The following EIF2B1 variants were observed in gnomAD, a reference collection of about 807,000 sequenced individuals.
The protein encoded by EIF2B1 is translation initiation factor eIF2B subunit alpha.
EIF2B1 carries 30 observed loss-of-function variants against 36.8 expected under a neutral mutation model. That is an observed-to-expected ratio of 0.81 (90% CI 0.61 to 1.10). The LOEUF (loss-of-function observed/expected upper bound fraction) is 1.10. Ranked by LOEUF, EIF2B1 falls within the 50% of genes least tolerant of loss-of-function variation. The probability of loss-of-function intolerance (pLI) is 0.00; values close to 1 mark genes in which losing one functional copy is unlikely to be tolerated. For synonymous variants in EIF2B1, 139 were observed against 142.2 expected (o/e 0.98, Z 0.16); for missense variants, 271 against 374.8 (o/e 0.72, Z 2.29).
In EIF2B1 at chr12:123,621,591, T is replaced by C; in HGVS notation, c.*165A>G. ...TAGCTGACACATTTTTAGATGGGAC[T>C]GAAATGAGTAAGAAAGGTTCTCCAA... is the stretch of plus-strand genomic sequence containing the variant. On this transcript the variant is annotated 3_prime_UTR_variant, in exon 9 of 9. Coordinates refer to ENST00000424014, the MANE Select transcript of EIF2B1 (RefSeq NM_001414.4). 4.8e-6 allele frequency: 4 copies of C among 825,620 alleles called. No individual in the cohort carries two copies. In the Admixed American group the frequency reaches 8.5e-5, roughly 17 times the overall value. The allele number at this position is 825,620 out of a possible 1,614,324, so 51.1% of individuals were successfully genotyped here.
chr12:123,621,500 T>G lies in EIF2B1; in HGVS notation c.*256A>C, dbSNP rs1188141076. The G allele has an allele frequency of 1.6e-5, 8 of 501,414 alleles. No individual in the cohort carries two copies. The highest frequency in any genetic ancestry group is 2.2e-5 in the Non-Finnish European group (6 of 277,688). The allele number at this position is 501,414 out of a possible 1,614,324, so 31.1% of individuals were successfully genotyped here. On this transcript the variant is annotated 3_prime_UTR_variant, in exon 9 of 9. Coordinates refer to ENST00000424014, the MANE Select transcript of EIF2B1 (RefSeq NM_001414.4). The stretch of plus-strand genomic sequence containing the variant: ...GTTAAGTAGCCAATTATCTAACTTG[T>G]ATTTCTGGAAACTGAAAAGGAAAGT...
rs1048959916 is a variant in EIF2B1, at chr12:123,621,057, C to T, written c.*699G>A. 6.5e-5 allele frequency: 10 copies of T among 154,334 alleles called. No homozygotes were observed. The highest frequency in any genetic ancestry group is 2.4e-4 in the African/African-American group (10 of 41,442). 9.6% of individuals were successfully genotyped at this position (154,334 alleles called of 1,614,324 possible). ...TTCATAGAGTTTATTTGAAAAGATGCTGAATTTATTCCCAAGTATAATTTT... is the reference window on the plus strand; with the variant it reads ...TTCATAGAGTTTATTTGAAAAGATGTTGAATTTATTCCCAAGTATAATTTT... On this transcript the variant is annotated 3_prime_UTR_variant, in exon 9 of 9. Coordinates refer to ENST00000424014, the MANE Select transcript of EIF2B1 (RefSeq NM_001414.4).
At chr12:123,622,211 G>A (rs1955107368) in intron 8 of EIF2B1, among the ~76,000 whole-genome samples, 1 of 152,176 alleles carries the variant, frequency 6.6e-6, no homozygotes, top group African/African-American at 2.4e-5. Flanking sequence ...TCACAATAGA[G>A]AGCTTGCAGC....
rs569727268 is a variant in EIF2B1, at chr12:123,630,634, A to G, written c.116-101T>C. ...CATTCAGTGAATATTTACTAGGTACATACTATATACCAGGCACTATTCTAG... is the reference window on the plus strand; with the variant it reads ...CATTCAGTGAATATTTACTAGGTACGTACTATATACCAGGCACTATTCTAG... On this transcript the variant is annotated intron_variant, in intron 2 of 8. Transcript: ENST00000424014. The surrounding 1 kb of genome is among the most constrained non-coding windows in gnomAD (Gnocchi z 4.6). 18 of 1,496,492 alleles carry G rather than the reference A, an allele frequency of 1.2e-5. No homozygotes were observed. Among genetic ancestry groups the G allele is most frequent in the South Asian group, 2.3e-5 (2 of 86,892 alleles). 92.7% of individuals were successfully genotyped at this position (1,496,492 alleles called of 1,614,324 possible). A position where few individuals can be genotyped will look rare whatever the true frequency, so the allele number is the denominator to read the frequency against.
chr12:123,633,363 G>T (rs1955216950), intron 1 of EIF2B1, among the ~76,000 whole-genome samples, 182 bp downstream of exon 1: 2 of 151,804 alleles, frequency 1.3e-5, no homozygotes, highest in Admixed American at 1.3e-4. Flanking sequence ...GATACTGCCA[G>T]GGCGCATCCC....
rs1333688590 is a variant in EIF2B1 at position 123,633,570 on chromosome 12, C to A, written c.-13G>T. On this transcript the variant is annotated 5_prime_UTR_variant, in exon 1 of 9. Coordinates refer to ENST00000424014, the MANE Select transcript of EIF2B1 (RefSeq NM_001414.4). ...CCTTGTCGTCCATGGCGTCCTCCTGCTGCGGAGCCCCAGGGGACCCGAGCC... is the reference window on the plus strand; with the variant it reads ...CCTTGTCGTCCATGGCGTCCTCCTGATGCGGAGCCCCAGGGGACCCGAGCC... The A allele has an allele frequency of 6.2e-7, 1 of 1,610,718 alleles. No homozygotes were observed. The highest frequency in any genetic ancestry group is 8.5e-7 in the Non-Finnish European group (1 of 1,180,002).
rs775578205 is a variant in EIF2B1, at chr12:123,630,357, G to A, written c.252+40C>T. On this transcript the variant is annotated intron_variant, in intron 3 of 8. Transcript: ENST00000424014. The surrounding 1 kb of genome is among the most constrained non-coding windows in gnomAD (Gnocchi z 4.6). ...TGCTGAGAATGTCTGTCACTAAACAGAGAAGTGGAAAGGTAACCCCAGGGA... is the reference window on the plus strand; with the variant it reads ...TGCTGAGAATGTCTGTCACTAAACAAAGAAGTGGAAAGGTAACCCCAGGGA... The A allele has an allele frequency of 2.5e-6, 4 of 1,614,072 alleles. No homozygotes were observed. The East Asian group carries it at 8.9e-5, about 36-fold the overall frequency.
intron 7 of EIF2B1, among the ~76,000 whole-genome samples, chr12:123,624,183 A>T (rs974493314): frequency 6.6e-6 from 1 of 150,832 alleles, no homozygotes; most frequent in Non-Finnish European, 1.5e-5. Context: ...ACATACATAT[A>T]CACATAAATA....
At chr12:123,632,640 T>C (rs574779270) in intron 1 of EIF2B1, among the ~76,000 whole-genome samples, 194 bp from the exon 2 acceptor site, 7 of 152,306 alleles carry the variant, frequency 4.6e-5, no homozygotes, top group Admixed American at 4.6e-4. Context: ...CAAGAGCTCT[T>C]TTTTATTTTG....
rs769237783 is a variant in EIF2B1 at position 123,627,156 on chromosome 12, T to C, written c.370A>G (p.Thr124Ala). The C allele has an allele frequency of 1.9e-5, 30 of 1,613,434 alleles. No homozygotes were observed. In the South Asian group the frequency reaches 3.3e-4, roughly 18 times the overall value. Residue 124 changes from threonine to alanine, a missense_variant and splice_region_variant, in exon 5 of 9, where the codon ACA (threonine) becomes GCA (alanine). Transcript: ENST00000424014. ...LCHTFIKDGA[T>A]ILTHAYSRVV... ...CTGGAGTAGGCGTGAGTCAATATTG[T>C]CTGTGGACCGAGAAAGCTTTGTCAA...
At chr12:123,622,575 T>C in intron 8 of EIF2B1, 61 bp downstream of exon 8, 1 of 1,608,700 alleles carries the variant, frequency 6.2e-7, no homozygotes, top group African/African-American at 1.3e-5. Context: ...TTCTTAGGAC[T>C]ACAATTTCCA....
chr12:123,627,163 A>G lies in EIF2B1; in HGVS notation c.370-7T>C. ...AGGCGTGAGTCAATATTGTCTGTGG[A>G]CCGAGAAAGCTTTGTCAAAGGGGCA... On this transcript the variant is annotated splice_region_variant and splice_polypyrimidine_tract_variant and intron_variant, in intron 4 of 8. Coordinates refer to ENST00000424014, the MANE Select transcript of EIF2B1 (RefSeq NM_001414.4). 1 of 1,612,604 alleles carries G rather than the reference A, an allele frequency of 6.2e-7. No homozygotes were observed. The highest frequency in any genetic ancestry group is 1.1e-5 in the South Asian group (1 of 91,002).
chr12:123,633,420 C>A, intron 1 of EIF2B1, 125 bp downstream of exon 1: 4 of 1,450,970 alleles, frequency 2.8e-6, no homozygotes, highest in Non-Finnish European at 3.9e-6. Flanking sequence ...TCTGGAAACA[C>A]AACCAGCGGA....
intron 5 of EIF2B1, chr12:123,626,785 C>A: frequency 1.5e-6 from 1 of 665,524 alleles, no homozygotes; most frequent in South Asian, 1.6e-5. Flanking sequence ...GTTACCTATT[C>A]CTTGATAAAA....
intron 8 of EIF2B1, among the ~76,000 whole-genome samples, chr12:123,622,196 G>A (rs1045239991): frequency 6.6e-6 from 1 of 152,202 alleles, no homozygotes; most frequent in African/African-American, 2.4e-5. Flanking sequence ...AGGGAAGATC[G>A]AGAGTCACAA....
chr12:123,629,330 T>A (rs964970199), intron 4 of EIF2B1, among the ~76,000 whole-genome samples: 1 of 152,216 alleles, frequency 6.6e-6, no homozygotes, highest in Non-Finnish European at 1.5e-5. Flanking sequence ...TACATCTCTG[T>A]AATAGCATCT....
rs529378922 is a variant in EIF2B1, at chr12:123,627,431, A to G, written c.370-275T>C. Among the ~76,000 whole-genome samples, 4 of 152,380 alleles carry G rather than the reference A, an allele frequency of 2.6e-5. No individual in the cohort carries two copies. In the East Asian group the frequency reaches 7.7e-4, roughly 29 times the overall value. ...AAAAGCCTGGATAGCTGAAGGCTCC[A>G]TGAGGTTCCCTTGGGTTGGTTTTCC... On this transcript the variant is annotated intron_variant, in intron 4 of 8. Coordinates refer to ENST00000424014, the MANE Select transcript of EIF2B1 (RefSeq NM_001414.4).
chr12:123,620,580 T>TTA lies in EIF2B1; in HGVS notation c.*1174_*1175dup, dbSNP rs68169681. On this transcript the variant is annotated 3_prime_UTR_variant, in exon 9 of 9. Coordinates refer to ENST00000424014, the MANE Select transcript of EIF2B1 (RefSeq NM_001414.4). ...GGTCACATATAGACATATGTACATA[T>TTA]TATATATATATATATATATATATAT... 1,317 of 64,006 alleles carry TTA rather than the reference T, an allele frequency of 0.021. 44 individuals carry two copies. The highest frequency in any genetic ancestry group is 0.036 in the East Asian group (26 of 714). 4.0% of individuals were successfully genotyped at this position (64,006 alleles called of 1,614,324 possible).
Position 123,621,118 on chromosome 12 carries a change from C to G in EIF2B1, c.*638G>C, listed in dbSNP as rs890070779. 2 of 158,148 alleles carry G rather than the reference C, an allele frequency of 1.3e-5. No homozygotes were observed. The highest frequency in any genetic ancestry group is 4.8e-5 in the African/African-American group (2 of 41,474). 9.8% of individuals were successfully genotyped at this position (158,148 alleles called of 1,614,324 possible). A position where few individuals can be genotyped will look rare whatever the true frequency, so the allele number is the denominator to read the frequency against. ...TTAGGACCCAAACATATTTAAACAT[C>G]TCTTACACATACAGAATTTCAGTTT... is the stretch of plus-strand genomic sequence containing the variant. On this transcript the variant is annotated 3_prime_UTR_variant, in exon 9 of 9. Transcript: ENST00000424014.
Sources: gnomAD v4.1 joint callset for allele counts (sites outside exome capture counted in the v4.1 genomes callset) on GRCh38, gnomAD v4.1.1 for gene constraint, Gnocchi (gnomAD v3.1) non-coding constraint, MANE v1.5 for transcripts, NCBI Gene and HGNC (gene_info 2026-07-23, HGNC 2026-07-21) for gene names.